The following CENPL variants were observed in gnomAD, a reference collection of about 807,000 sequenced individuals.
CENPL encodes centromere protein L.
In CENPL, 20 loss-of-function variants were observed where a neutral mutation model predicts 35.2. That is an observed-to-expected ratio of 0.57 (90% CI 0.40 to 0.83). The LOEUF (loss-of-function observed/expected upper bound fraction) is 0.83, where lower values mean the gene tolerates loss of function less well. Among genes scored for constraint, CENPL ranks in the 40% least tolerant of loss-of-function variants. The pLI is 0.00. For synonymous variants in CENPL, 140 were observed against 140.6 expected (o/e 1.00, Z 0.03); for missense variants, 363 against 395.8 (o/e 0.92, Z 0.70).
At chr1:173,813,236 G>C (rs545119362) in intron 2 of CENPL, among the ~76,000 whole-genome samples, 7 of 152,228 alleles carry the variant, frequency 4.6e-5, no homozygotes, top group Non-Finnish European at 7.4e-5. Context: ...ATGGAACCAA[G>C]TTGGAAAACA....
chr1:173,813,663 C>T (rs1260757690), intron 2 of CENPL, among the ~76,000 whole-genome samples: 2 of 152,184 alleles, frequency 1.3e-5, no homozygotes, highest in Non-Finnish European at 2.9e-5. Flanking sequence ...CTTACAAGAG[C>T]TCCTGAAGGA....
In CENPL at chr1:173,811,316, A is replaced by G. The variant is rs1303451084; in HGVS notation, c.-7-10T>C. 6.4e-7 allele frequency: 1 copy of G among 1,566,152 alleles called. No homozygotes were observed. Among genetic ancestry groups the G allele is most frequent in the African/African-American group, 1.4e-5 (1 of 73,520 alleles). ...AGAATCCATGGTCTGTCTGCATAAG[A>G]AGAAACAAAACCAGAATTCTAAGCA... On this transcript the variant is annotated splice_polypyrimidine_tract_variant and intron_variant, in intron 2 of 5. Coordinates refer to ENST00000682279, the MANE Select transcript of CENPL (RefSeq NM_001387287.1).
intron 2 of CENPL, among the ~76,000 whole-genome samples, chr1:173,812,329 G>A (rs1372686613): frequency 1.3e-5 from 2 of 152,222 alleles, no homozygotes; most frequent in Admixed American, 6.5e-5. Flanking sequence ...CTCCCAGCAT[G>A]GCATTTGAGC....
At chr1:173,817,993 G>A (rs1000326277) in intron 2 of CENPL, among the ~76,000 whole-genome samples, 27 of 151,950 alleles carry the variant, frequency 1.8e-4, no homozygotes, top group African/African-American at 5.8e-4. Context: ...ATCACATACC[G>A]GGGCCTGTCG....
At chr1:173,805,509 C>CAAAAA (rs1409340810) in intron 4 of CENPL, among the ~76,000 whole-genome samples, 1 of 78,196 alleles carries the variant, frequency 1.3e-5, no homozygotes, top group Non-Finnish European at 2.8e-5. Context: ...GAAGCTGTCT[C>CAAAAA]AAAAAAAAAA....
chr1:173,821,284 G>A (rs1220848457), intron 2 of CENPL, among the ~76,000 whole-genome samples: 3 of 152,202 alleles, frequency 2.0e-5, no homozygotes, highest in African/African-American at 7.2e-5. Context: ...ACTTGCCAAA[G>A]TCAACAAGTT....
Position 173,803,034 on chromosome 1 carries a change from G to T in CENPL, c.892C>A (p.His298Asn). 6.2e-7 allele frequency: 1 copy of T among 1,613,644 alleles called. No individual in the cohort carries two copies. Among genetic ancestry groups the T allele is most frequent in the South Asian group, 1.1e-5 (1 of 91,022 alleles). Residue 298 changes from histidine to asparagine, a missense_variant, in exon 5 of 6, where the codon CAT becomes AAT. By Grantham distance (68) the His-to-Asn change is moderately conservative (BLOSUM62 1). Coordinates refer to ENST00000682279, the MANE Select transcript of CENPL (RefSeq NM_001387287.1). ...YSHFHRHFKI[H>N]LSATRLVRVS... The stretch of plus-strand genomic sequence containing the variant: ...CGAACTAATCTTGTGGCTGATAAAT[G>T]AATTTTGAAATGTCTATGGAAATGT...
At chr1:173,801,102 A>C (rs1053567776) in intron 5 of CENPL, among the ~76,000 whole-genome samples, 6 of 152,154 alleles carry the variant, frequency 3.9e-5, no homozygotes, top group African/African-American at 1.4e-4. Flanking sequence ...TAGAGTATTG[A>C]CTTATTGGAT....
At chr1:173,802,586 A>G (rs1649853492) in intron 5 of CENPL, among the ~76,000 whole-genome samples, 1 of 152,214 alleles carries the variant, frequency 6.6e-6, no homozygotes, top group South Asian at 2.1e-4. Flanking sequence ...ATGAGGACAG[A>G]AAAGCCTGGA....
intron 2 of CENPL, among the ~76,000 whole-genome samples, chr1:173,817,237 AT>A (rs1651487815): frequency 1.3e-5 from 2 of 152,230 alleles, no homozygotes; most frequent in African/African-American, 4.8e-5. Flanking sequence ...ATGGGAGAAA[AT>A]TTTTGCAATC....
At chr1:173,821,701 G>C (rs1651961359) in intron 2 of CENPL, 1 of 151,372 alleles carries the variant, frequency 6.6e-6, no homozygotes, top group African/African-American at 2.4e-5. Context: ...AATATACCTT[G>C]GCTCAATATA....
At chr1:173,806,300 C>T (rs1650218044) in intron 4 of CENPL, 1 of 245,956 alleles carries the variant, frequency 4.1e-6, no homozygotes, top group South Asian at 3.3e-5. Context: ...CAAAATAAAT[C>T]TGAGGCTGAG....
At chr1:173,807,195 AATT>A in intron 4 of CENPL, 69 bp downstream of exon 4, 1 of 1,326,836 alleles carries the variant, frequency 7.5e-7, no homozygotes, top group Admixed American at 2.5e-5. Flanking sequence ...GATTATATCT[AATT>A]ATTATAGTTT....
At chr1:173,806,290 C>T (rs865826993) in intron 4 of CENPL, 36 of 242,468 alleles carry the variant, frequency 1.5e-4, no homozygotes, top group Middle Eastern at 1.6e-3. Flanking sequence ...GAATAATAAA[C>T]AAAATAAATC....
intron 4 of CENPL, among the ~76,000 whole-genome samples, chr1:173,805,074 C>T (rs1250603162): frequency 6.6e-6 from 1 of 152,166 alleles, no homozygotes; most frequent in Admixed American, 6.5e-5. Context: ...AACACTATAC[C>T]AGGAATTCAA....
rs996251023 is a variant in CENPL at position 173,802,492 on chromosome 1, C to T, written c.963+471G>A. ...AAGTGCTGGGATTACAGGCGTGAGC[C>T]ACCATGCCTGGCCTATTTCTGATAC... On this transcript the variant is annotated intron_variant, in intron 5 of 5. Coordinates refer to ENST00000682279, the MANE Select transcript of CENPL (RefSeq NM_001387287.1). Among the ~76,000 whole-genome samples the T allele has an allele frequency of 3.3e-5, 5 of 152,192 alleles. 1 individual carries two copies. The highest frequency in any genetic ancestry group is 4.1e-4 in the South Asian group (2 of 4,828).
At chr1:173,807,561 A>G (rs1213028731) in intron 3 of CENPL, 43 bp from the exon 4 acceptor site, 2 of 1,406,870 alleles carry the variant, frequency 1.4e-6, no homozygotes, top group Admixed American at 4.6e-5. Flanking sequence ...AGAATTAGGA[A>G]ACAATAAGAA....
At chr1:173,814,691 G>C (rs1160836556) in intron 2 of CENPL, among the ~76,000 whole-genome samples, 3 of 152,206 alleles carry the variant, frequency 2.0e-5, no homozygotes, top group Non-Finnish European at 4.4e-5. Context: ...GCAGTGTGTA[G>C]AGGAAAATTT....
At chr1:173,821,827 T>C (rs1651979216) in intron 2 of CENPL, 1 of 125,120 alleles carries the variant, frequency 8.0e-6, no homozygotes, top group Non-Finnish European at 1.6e-5. Context: ...TTTTTTTTTT[T>C]TGAGACAGGG....
Sources: gnomAD v4.1 joint callset for allele counts (sites outside exome capture counted in the v4.1 genomes callset) on GRCh38, gnomAD v4.1.1 for gene constraint, MANE v1.5 for transcripts, NCBI Gene and HGNC (gene_info 2026-07-23, HGNC 2026-07-21) for gene names.